The following DAB1 variants were observed in gnomAD, a reference collection of about 807,000 sequenced individuals.
DAB1 encodes the protein disabled homolog 1.
DAB1 carries 15 observed loss-of-function variants against 64.6 expected under a neutral mutation model. The observed-to-expected ratio is 0.23, with a 90% CI of 0.16 to 0.36. DAB1 has a LOEUF of 0.36. Among genes scored for constraint, DAB1 ranks in the 10% least tolerant of loss-of-function variants. The probability of loss-of-function intolerance (pLI) is 1.00; values close to 1 mark genes in which losing one functional copy is unlikely to be tolerated. For synonymous variants in DAB1, 235 were observed against 251.9 expected (o/e 0.93, Z 0.64); for missense variants, 596 against 706.7 (o/e 0.84, Z 1.78).
intron 1 of DAB1, chr1:57,880,502 A>T (rs1029661902): frequency 6.6e-6 from 1 of 152,040 alleles, no homozygotes; most frequent in African/African-American, 2.4e-5. Flanking sequence ...ATCAAGAGTC[A>T]CCTCCTCAGT....
At chr1:58,539,938 G>C (rs2100494802) in intron 1 of DAB1, among the ~76,000 whole-genome samples, 1 of 152,282 alleles carries the variant, frequency 6.6e-6, no homozygotes, top group South Asian at 2.1e-4. Flanking sequence ...GAGCTGCACA[G>C]AGAAATAACT....
intron 9 of DAB1, chr1:57,033,663 T>C: frequency 2.3e-6 from 3 of 1,293,222 alleles, no homozygotes; most frequent in Non-Finnish European, 3.3e-6. Context: ...GTATCTATGG[T>C]TCACACTTCC....
chr1:57,324,577 G>A lies in DAB1; in HGVS notation c.-136-33411C>T, dbSNP rs563920474. ...TGCGCATTAGAGAGGAGAATGATGCGCATTAGAGAGGAGAATGATGAGAAA... is the reference window on the plus strand; with the variant it reads ...TGCGCATTAGAGAGGAGAATGATGCACATTAGAGAGGAGAATGATGAGAAA... On this transcript the variant is annotated intron_variant, in intron 1 of 14. Transcript: ENST00000371236. Among the ~76,000 whole-genome samples, 60 of 152,234 alleles carry A rather than the reference G, an allele frequency of 3.9e-4. 1 individual carries two copies. The highest frequency in any genetic ancestry group is 3.4e-3 in the Middle Eastern group (1 of 294).
intron 4 of DAB1, among the ~76,000 whole-genome samples, chr1:58,332,155 T>C (rs566571204): frequency 6.6e-6 from 1 of 151,874 alleles, no homozygotes; most frequent in Non-Finnish European, 1.5e-5. Context: ...AACTCCAGTA[T>C]TTTTTTTGGT....
intron 5 of DAB1, among the ~76,000 whole-genome samples, chr1:58,012,434 A>G (rs923004552): frequency 6.6e-6 from 1 of 152,116 alleles, no homozygotes; most frequent in Admixed American, 6.6e-5. Context: ...GGCCTACTGT[A>G]TATGTAACTA....
At chr1:57,638,339 T>C (rs1451218052) in intron 7 of DAB1, among the ~76,000 whole-genome samples, 1 of 152,200 alleles carries the variant, frequency 6.6e-6, no homozygotes. Context: ...TCAGTGTTTA[T>C]ATATTTTTTC....
intron 2 of DAB1, among the ~76,000 whole-genome samples, chr1:57,250,780 T>C (rs1473395708): frequency 6.6e-6 from 1 of 152,224 alleles, no homozygotes. Context: ...CTGGATAAAT[T>C]ACTAAATCCT....
intron 4 of DAB1, among the ~76,000 whole-genome samples, chr1:58,275,860 G>T (rs572182027): frequency 6.6e-6 from 1 of 152,164 alleles, no homozygotes; most frequent in Admixed American, 6.5e-5. Flanking sequence ...GTCTCAAAGA[G>T]ATATTTGTAT....
At chr1:57,300,836 A>G (rs1673585442) in intron 1 of DAB1, among the ~76,000 whole-genome samples, 1 of 152,222 alleles carries the variant, frequency 6.6e-6, no homozygotes, top group Non-Finnish European at 1.5e-5. Flanking sequence ...TGTATGTACC[A>G]TATTCCAAAA....
chr1:57,379,584 C>A (rs1290600237), intron 1 of DAB1, among the ~76,000 whole-genome samples: 2 of 152,170 alleles, frequency 1.3e-5, no homozygotes, highest in African/African-American at 4.8e-5. Context: ...TGCAGGTTAA[C>A]AACTGCCTAA....
chr1:58,012,362 T>C (rs1478843186), intron 5 of DAB1, among the ~76,000 whole-genome samples: 1 of 152,310 alleles, frequency 6.6e-6, no homozygotes, highest in East Asian at 1.9e-4. Context: ...CAGGTTGCCT[T>C]CATTATACGT....
intron 3 of DAB1, among the ~76,000 whole-genome samples, chr1:58,417,402 C>A (rs1219647474): frequency 6.6e-6 from 1 of 152,192 alleles, no homozygotes; most frequent in Non-Finnish European, 1.5e-5. Context: ...CATCATGTCA[C>A]AACACCCCAA....
intron 2 of DAB1, among the ~76,000 whole-genome samples, chr1:57,224,700 C>T (rs1189864635): frequency 6.6e-6 from 1 of 152,256 alleles, no homozygotes; most frequent in East Asian, 1.9e-4. Context: ...GATTTTTGTC[C>T]CTTGTTCCTG....
chr1:57,470,304 T>C (rs140339231), intron 7 of DAB1, among the ~76,000 whole-genome samples: 95 of 152,374 alleles, frequency 6.2e-4, no homozygotes, highest in Non-Finnish European at 1.1e-3. Context: ...TTGTTTCTTT[T>C]GCAACTGCAG....
chr1:57,736,437 C>T (rs570606476), intron 6 of DAB1, among the ~76,000 whole-genome samples: 6 of 152,222 alleles, frequency 3.9e-5, no homozygotes, highest in South Asian at 4.2e-4. Context: ...GTTCATAAAT[C>T]GCAGCATATG....
chr1:57,178,895 G>T (rs561143856), intron 2 of DAB1, among the ~76,000 whole-genome samples: 1 of 151,756 alleles, frequency 6.6e-6, no homozygotes, highest in East Asian at 1.9e-4. Context: ...CACCCCCATC[G>T]CCACCTCCTG....
intron 7 of DAB1, among the ~76,000 whole-genome samples, chr1:57,434,416 A>G (rs985798267): frequency 2.6e-5 from 4 of 152,246 alleles, no homozygotes; most frequent in Non-Finnish European, 5.9e-5. Context: ...TTCCATCCAC[A>G]TGAGGATCAA....
intron 1 of DAB1, among the ~76,000 whole-genome samples, chr1:57,339,982 G>C (rs914534504): frequency 1.3e-5 from 2 of 152,158 alleles, no homozygotes; most frequent in Admixed American, 1.3e-4. Flanking sequence ...ATCTAGGATG[G>C]TTTCGATTCA....
intron 6 of DAB1, among the ~76,000 whole-genome samples, chr1:57,704,001 A>C (rs1045532301): frequency 3.3e-5 from 5 of 152,170 alleles, no homozygotes; most frequent in Non-Finnish European, 5.9e-5. Flanking sequence ...ACACATGGAC[A>C]CATAAAGGGG....
Sources: gnomAD v4.1 joint callset for allele counts (sites outside exome capture counted in the v4.1 genomes callset) on GRCh38, gnomAD v4.1.1 for gene constraint, MANE v1.5 for transcripts, NCBI Gene and HGNC (gene_info 2026-07-23, HGNC 2026-07-21) for gene names.